Variants in CDC27 observed in about 807,000 individuals in gnomAD.
CDC27 encodes the protein cell division cycle 27, also known as cell division cycle protein 27 homolog.
Under a neutral mutation model 109.7 loss-of-function variants are expected in CDC27, and 27 were observed. The observed-to-expected ratio is 0.25, with a 90% CI of 0.18 to 0.34. CDC27 has a LOEUF of 0.34. Ranked by LOEUF, CDC27 falls within the 10% of genes least tolerant of loss-of-function variation. The probability of loss-of-function intolerance (pLI) is 1.00; values close to 1 mark genes in which losing one functional copy is unlikely to be tolerated. For missense variants in CDC27, 579 were observed against 960.2 expected (o/e 0.60, Z 5.25); for synonymous variants, 266 against 333.9 (o/e 0.80, Z 2.22).
At chr17:47,189,009 A>G (rs2064564527) in intron 1 of CDC27, 137 bp downstream of exon 1, 1 of 1,504,380 alleles carries the variant, frequency 6.6e-7, no homozygotes. Context: ...AACTGACTAA[A>G]GATAGGCAGG....
chr17:47,158,728 C>G (rs967046655), intron 4 of CDC27, among the ~76,000 whole-genome samples: 1 of 151,942 alleles, frequency 6.6e-6, no homozygotes, highest in Admixed American at 6.6e-5. Context: ...AAGCCATCCT[C>G]CTACCTCAGC....
intron 8 of CDC27, among the ~76,000 whole-genome samples, chr17:47,152,675 C>T (rs748554822): frequency 6.6e-6 from 1 of 152,134 alleles, no homozygotes; most frequent in Non-Finnish European, 1.5e-5. Context: ...CCCTGATGTC[C>T]TGTACACAAT....
chr17:47,189,039 G>A (rs2064568131), intron 1 of CDC27, 107 bp downstream of exon 1: 1 of 1,512,386 alleles, frequency 6.6e-7, no homozygotes, highest in Admixed American at 1.8e-5. Flanking sequence ...CAGGGGAGGC[G>A]GGAGAAGCAG....
At chr17:47,151,762 A>G in intron 9 of CDC27, 44 bp downstream of exon 9, 1 of 1,437,796 alleles carries the variant, frequency 7.0e-7, no homozygotes, top group Non-Finnish European at 9.3e-7. Flanking sequence ...GTAAAGAATC[A>G]AGTTTTATGC....
intron 15 of CDC27, among the ~76,000 whole-genome samples, chr17:47,131,238 T>C (rs2062320846): frequency 6.6e-6 from 1 of 152,214 alleles, no homozygotes; most frequent in Non-Finnish European, 1.5e-5. Flanking sequence ...ATTGAATAAA[T>C]AAGGTGATGA....
chr17:47,152,622 T>C (rs1173005512), intron 8 of CDC27, among the ~76,000 whole-genome samples: 1 of 152,206 alleles, frequency 6.6e-6, no homozygotes, highest in Non-Finnish European at 1.5e-5. Context: ...GCACTGTTTT[T>C]CCCCTTTGGC....
intron 12 of CDC27, among the ~76,000 whole-genome samples, chr17:47,139,376 C>T (rs938242232): frequency 8.6e-5 from 13 of 151,626 alleles, no homozygotes; most frequent in Non-Finnish European, 1.6e-4. Flanking sequence ...ACGCCCTTCT[C>T]CTGCCTCAGC....
chr17:47,186,539 T>C (rs935844284), intron 1 of CDC27, among the ~76,000 whole-genome samples: 1 of 152,224 alleles, frequency 6.6e-6, no homozygotes, highest in Non-Finnish European at 1.5e-5. Flanking sequence ...CTTTTATAAA[T>C]ATTCAAAAAG....
intron 2 of CDC27, among the ~76,000 whole-genome samples, chr17:47,179,809 A>C (rs2064155089): frequency 6.6e-6 from 1 of 152,250 alleles, no homozygotes; most frequent in Admixed American, 6.5e-5. Flanking sequence ...TGGATTAAAC[A>C]GCTTTATGTG....
At chr17:47,141,078 G>T (rs2062779134) in intron 12 of CDC27, among the ~76,000 whole-genome samples, 2 of 152,294 alleles carry the variant, frequency 1.3e-5, no homozygotes, top group South Asian at 4.1e-4. Context: ...ACAGAGGCAA[G>T]AAATTGTCTG....
At chr17:47,142,928 G>A (rs200323430) in intron 10 of CDC27, among the ~76,000 whole-genome samples, 82 of 152,036 alleles carry the variant, frequency 5.4e-4, no homozygotes, top group African/African-American at 1.9e-3. Flanking sequence ...TGCCTGCCTT[G>A]GCCTCCCAAA....
In CDC27 at chr17:47,189,265, G is replaced by T. The variant is rs796155589; in HGVS notation, c.-93C>A. The T allele has an allele frequency of 1.8e-5, 17 of 970,876 alleles. No homozygotes were observed. The highest frequency in any genetic ancestry group is 7.3e-5 in the Admixed American group (4 of 54,752). The allele number at this position is 970,876 out of a possible 1,614,324, so 60.1% of individuals were successfully genotyped here. On this transcript the variant is annotated 5_prime_UTR_variant, in exon 1 of 19. Coordinates refer to ENST00000066544, the MANE Select transcript of CDC27 (RefSeq NM_001256.6). ...CCCCTGCTCATTTAAACTCACCAGC[G>T]ACCGTTACCGGGGGATGGGGGAGGC... is the stretch of plus-strand genomic sequence containing the variant.
At chr17:47,135,944 T>C (rs1377385015) in intron 14 of CDC27, among the ~76,000 whole-genome samples, 1 of 151,960 alleles carries the variant, frequency 6.6e-6, no homozygotes, top group Non-Finnish European at 1.5e-5. Context: ...ATTGAGACCA[T>C]CCTGGCTAAC....
At chr17:47,180,705 T>C (rs1031179527) in intron 2 of CDC27, among the ~76,000 whole-genome samples, 5 of 152,052 alleles carry the variant, frequency 3.3e-5, no homozygotes, top group Non-Finnish European at 5.9e-5. Flanking sequence ...TCAGTGGTGT[T>C]TATTAAGCAT....
intron 1 of CDC27, among the ~76,000 whole-genome samples, chr17:47,184,372 T>C (rs2064350638): frequency 6.6e-6 from 1 of 152,210 alleles, no homozygotes; most frequent in African/African-American, 2.4e-5. Flanking sequence ...CTCCCCAGCA[T>C]ACCTGCTACA....
In CDC27 at chr17:47,120,982, C is replaced by T. The variant is rs1412092641; in HGVS notation, c.2428G>A (p.Asp810Asn). ...TDESQESSMTDADDTQLHAAE... is the reference protein window; with the variant it reads ...TDESQESSMTNADDTQLHAAE... ...GCATGAAGTTGTGTGTCATCCGCAT[C>T]TGTCATGCTGCTCTCCTGGGATTCA... Residue 810 changes from aspartate (D) to asparagine (N), a missense_variant, in exon 19 of 19, where the codon GAT becomes AAT. This residue lies in a region of CDC27 where 227 missense variants were observed against 363.6 expected (regional missense o/e 0.62). Transcript: ENST00000066544. 2 of 1,612,972 alleles carry T rather than the reference C, an allele frequency of 1.2e-6. No individual in the cohort carries two copies. Among genetic ancestry groups the T allele is most frequent in the African/African-American group, 1.3e-5 (1 of 74,910 alleles).
intron 4 of CDC27, among the ~76,000 whole-genome samples, chr17:47,158,919 CT>C (rs1185115901): frequency 6.6e-6 from 1 of 152,034 alleles, no homozygotes; most frequent in East Asian, 1.9e-4. Context: ...CGCACCTGGC[CT>C]TTTTGTATTT....
intron 14 of CDC27, among the ~76,000 whole-genome samples, chr17:47,133,751 AT>A (rs796080710): frequency 1.3e-5 from 2 of 150,956 alleles, no homozygotes; most frequent in African/African-American, 4.9e-5. Context: ...GCCTACATAT[AT>A]TTTTTTTCTT....
intron 9 of CDC27, among the ~76,000 whole-genome samples, chr17:47,149,270 C>T (rs554179106): frequency 4.6e-5 from 7 of 151,116 alleles, no homozygotes; most frequent in South Asian, 4.2e-4. Context: ...CCCAGCACTT[C>T]GGGAGGCCAA....
Sources: gnomAD v4.1 joint callset for allele counts (sites outside exome capture counted in the v4.1 genomes callset) on GRCh38, gnomAD v4.1.1 for gene constraint, gnomAD v4.1.1 regional missense constraint, MANE v1.5 for transcripts, NCBI Gene and HGNC (gene_info 2026-07-23, HGNC 2026-07-21) for gene names.